PLEKHH2: variants seen among roughly 807,000 people sequenced by gnomAD.
The protein encoded by PLEKHH2 is pleckstrin homology domain-containing family H member 2.
In PLEKHH2, 129 loss-of-function variants were observed where a neutral mutation model predicts 187.9. The observed-to-expected ratio is 0.69, with a 90% CI of 0.59 to 0.79. The LOEUF (loss-of-function observed/expected upper bound fraction) is 0.79. Among genes scored for constraint, PLEKHH2 ranks in the 30% least tolerant of loss-of-function variants. The pLI is 0.00. For missense variants in PLEKHH2, 2,076 were observed against 1,751.2 expected, an observed-to-expected ratio of 1.19 and a Z score of -3.31; for synonymous variants, 686 against 605.6, an observed-to-expected ratio of 1.13 and a Z score of -1.95.
intron 2 of PLEKHH2, among the ~76,000 whole-genome samples, chr2:43,656,799 C>T (rs962222781): frequency 2.0e-5 from 3 of 152,266 alleles, no homozygotes; most frequent in African/African-American, 7.2e-5. Flanking sequence ...GGGTGGATCA[C>T]CTGAAGCTAG....
intron 2 of PLEKHH2, among the ~76,000 whole-genome samples, chr2:43,657,967 A>G (rs935666730): frequency 3.9e-5 from 6 of 152,252 alleles, no homozygotes; most frequent in African/African-American, 1.4e-4. Context: ...CATACATAAT[A>G]TAAATTGTCC....
chr2:43,744,195 A>G (rs1671684004), intron 23 of PLEKHH2: 1 of 1,112,296 alleles, frequency 9.0e-7, no homozygotes, highest in Middle Eastern at 3.2e-4. Context: ...TACACATTCC[A>G]TATTAAAGAG....
chr2:43,702,859 C>T (rs775470966), intron 8 of PLEKHH2, among the ~76,000 whole-genome samples: 28 of 152,138 alleles, frequency 1.8e-4, no homozygotes, highest in Non-Finnish European at 3.2e-4. Context: ...AAACAAGTGA[C>T]ATCCATTGCC....
intron 25 of PLEKHH2, among the ~76,000 whole-genome samples, chr2:43,755,741 G>A (rs1363578664): frequency 1.3e-5 from 2 of 152,140 alleles, no homozygotes; most frequent in Non-Finnish European, 2.9e-5. Flanking sequence ...GCTGTTTGTG[G>A]GGACTTCTGC....
At chr2:43,754,605 G>T (rs902432307) in intron 25 of PLEKHH2, among the ~76,000 whole-genome samples, 2 of 152,174 alleles carry the variant, frequency 1.3e-5, no homozygotes, top group African/African-American at 4.8e-5. Context: ...AAGAAGGAGA[G>T]AATGGTCATA....
At position 43,694,418 on chromosome 2, in the gene PLEKHH2, A is replaced by C. The variant is rs772273372; in HGVS notation, c.337-13A>C. 6.5e-7 allele frequency: 1 copy of C among 1,547,724 alleles called. No individual in the cohort carries two copies. The highest frequency in any genetic ancestry group is 1.2e-5 in the South Asian group (1 of 82,810). ...TTATGTTTGAACTAAACAAATTGCT[A>C]TTGTTATTTCAGAAACAAATAAGAA... On this transcript the variant is annotated splice_polypyrimidine_tract_variant and intron_variant, in intron 4 of 29. Transcript: ENST00000282406.
At chr2:43,720,781 G>GTAACTTTT in intron 16 of PLEKHH2, 32 bp downstream of exon 16, 1 of 1,582,576 alleles carries the variant, frequency 6.3e-7, no homozygotes, top group Admixed American at 1.9e-5. Context: ...GCCAATTGAA[G>GTAACTTTT]TAACTTTTTG....
chr2:43,693,753 A>C (rs909741533), intron 4 of PLEKHH2, among the ~76,000 whole-genome samples: 7 of 143,390 alleles, frequency 4.9e-5, no homozygotes, highest in Admixed American at 6.9e-5. Flanking sequence ...AAAAAATTGC[A>C]CTGGGGATTG....
At chr2:43,694,050 G>A (rs1356477331) in intron 4 of PLEKHH2, among the ~76,000 whole-genome samples, 2 of 151,954 alleles carry the variant, frequency 1.3e-5, no homozygotes, top group Non-Finnish European at 2.9e-5. Context: ...TTGAAAGCTA[G>A]TATTTGAGGG....
chr2:43,753,898 A>G (rs555009169), intron 25 of PLEKHH2, 138 bp downstream of exon 25: 24 of 689,968 alleles, frequency 3.5e-5, no homozygotes, highest in Admixed American at 7.4e-5. Flanking sequence ...AATTACAGGC[A>G]CTATAATTAT....
intron 24 of PLEKHH2, among the ~76,000 whole-genome samples, chr2:43,751,761 T>G (rs1672019428): frequency 6.6e-6 from 1 of 152,218 alleles, no homozygotes; most frequent in Admixed American, 6.5e-5. Context: ...ATTCCTCTAG[T>G]GCCTTTCCTA....
intron 3 of PLEKHH2, among the ~76,000 whole-genome samples, chr2:43,691,184 C>T (rs1313118497): frequency 1.3e-5 from 2 of 152,186 alleles, no homozygotes; most frequent in Non-Finnish European, 1.5e-5. Context: ...TCAGCTACAT[C>T]TGGGTTCTTG....
Position 43,738,421 on chromosome 2 carries a change from A to T in PLEKHH2, c.3024A>T (p.Gln1008His). Residue 1008 changes from glutamine to histidine, a missense_variant, in exon 20 of 30, where the codon CAA becomes CAT. Physicochemically the swap from Gln to His is conservative, Grantham distance 24 (BLOSUM62 0). Coordinates refer to ENST00000282406, the MANE Select transcript of PLEKHH2 (RefSeq NM_172069.4). ...YHISLAQSAL[Q>H]ICLTHPELQN... ...TATCTTTAGCCCAGAGTGCTTTGCA[A>T]ATCTGCCTGACACATCCTGAGCTGC... The T allele has an allele frequency of 6.2e-7, 1 of 1,614,106 alleles. No homozygotes were observed. Among genetic ancestry groups the T allele is most frequent in the Non-Finnish European group, 8.5e-7 (1 of 1,179,968 alleles).
Position 43,754,899 on chromosome 2 carries a change from G to C in PLEKHH2, c.3795+1139G>C, listed in dbSNP as rs1167673189. ...TTTTTTTTTTTTTTTTTGAGACAGA[G>C]TTTCCCTCTTTTGCCCAAGCTGGAG... On this transcript the variant is annotated intron_variant, in intron 25 of 29. Coordinates refer to ENST00000282406, the MANE Select transcript of PLEKHH2 (RefSeq NM_172069.4). 2.3e-5 allele frequency among the ~76,000 whole-genome samples: 3 copies of C among 129,762 alleles called. No homozygotes were observed. The East Asian group carries it at 6.6e-4, about 29-fold the overall frequency. The allele number at this position is 129,762 out of a possible 152,430, so 85.1% of individuals were successfully genotyped here.
chr2:43,670,457 G>A (rs1007504527), intron 2 of PLEKHH2, among the ~76,000 whole-genome samples: 7 of 151,906 alleles, frequency 4.6e-5, no homozygotes, highest in African/African-American at 1.7e-4. Context: ...TGAAGATAGA[G>A]TAAACCAATA....
At chr2:43,682,538 C>A (rs908334637) in intron 3 of PLEKHH2, among the ~76,000 whole-genome samples, 1 of 152,088 alleles carries the variant, frequency 6.6e-6, no homozygotes, top group Non-Finnish European at 1.5e-5. Flanking sequence ...AACTCCTGAC[C>A]TTGTGATTTG....
chr2:43,671,490 A>T (rs4635572), intron 2 of PLEKHH2, among the ~76,000 whole-genome samples: 72,923 of 151,934 alleles, frequency 0.48, 18,148 homozygotes, highest in African/African-American at 0.53. Flanking sequence ...GCTATTACAT[A>T]GGTTAGCACC....
chr2:43,723,391 C>G (rs183224206), intron 16 of PLEKHH2, among the ~76,000 whole-genome samples: 44 of 152,218 alleles, frequency 2.9e-4, no homozygotes, highest in African/African-American at 1.0e-3. Flanking sequence ...CACTTATACA[C>G]CAAACTGGAC....
Position 43,710,333 on chromosome 2 carries a change from G to A in PLEKHH2, c.2214+3G>A. 1 of 1,612,076 alleles carries A rather than the reference G, an allele frequency of 6.2e-7. No individual in the cohort carries two copies. The highest frequency in any genetic ancestry group is 1.7e-5 in the Admixed American group (1 of 59,990). ...AATTACTTTACTACAAATCTCCGGT[G>A]AGTGGAAAGTGTTTTCTGTTTAGAA... On this transcript the variant is annotated splice_donor_region_variant and intron_variant, in intron 13 of 29. Transcript: ENST00000282406.
Sources: allele counts gnomAD v4.1 joint callset (sites outside exome capture counted in the v4.1 genomes callset), GRCh38; gene constraint gnomAD v4.1.1; transcripts MANE v1.5; gene names NCBI Gene and HGNC (gene_info 2026-07-23, HGNC 2026-07-21).